JAZF1: variants seen among roughly 807,000 people sequenced by gnomAD.
The protein encoded by JAZF1 is juxtaposed with another zinc finger protein 1.
JAZF1 carries 8 observed loss-of-function variants against 26.4 expected under a neutral mutation model. That is an observed-to-expected ratio of 0.30 (90% CI 0.18 to 0.55). The LOEUF (loss-of-function observed/expected upper bound fraction) is 0.55, where lower values mean the gene tolerates loss of function less well. JAZF1 is among the 20% of genes least tolerant of loss of function. The probability of loss-of-function intolerance (pLI) is 0.94; values close to 1 mark genes in which losing one functional copy is unlikely to be tolerated. For missense variants in JAZF1, 199 were observed against 322.0 expected (o/e 0.62, Z 2.92); for synonymous variants, 126 against 122.3 (o/e 1.03, Z -0.20).
chr7:28,132,987 C>T (rs955517495), intron 1 of JAZF1, among the ~76,000 whole-genome samples: 1 of 152,074 alleles, frequency 6.6e-6, no homozygotes, highest in Non-Finnish European at 1.5e-5. Flanking sequence ...AGGAAGAAGC[C>T]GTAAAAGCAG....
chr7:28,176,980 T>C (rs192560523), intron 1 of JAZF1, among the ~76,000 whole-genome samples: 42 of 152,204 alleles, frequency 2.8e-4, no homozygotes, highest in African/African-American at 9.6e-4. Context: ...CTCAATTATC[T>C]ACTCAAAATA....
At chr7:27,984,753 C>T (rs1379274278) in intron 2 of JAZF1, among the ~76,000 whole-genome samples, 2 of 152,222 alleles carry the variant, frequency 1.3e-5, no homozygotes, top group Non-Finnish European at 2.9e-5. Context: ...AACAAACTGT[C>T]TCTCAGACCA....
chr7:28,159,893 C>A (rs1783254406), intron 1 of JAZF1, among the ~76,000 whole-genome samples: 1 of 152,116 alleles, frequency 6.6e-6, no homozygotes, highest in South Asian at 2.1e-4. Flanking sequence ...CCCTGATACC[C>A]CTTATAAGCG....
intron 1 of JAZF1, among the ~76,000 whole-genome samples, chr7:28,154,839 G>A (rs1236859986): frequency 6.6e-6 from 1 of 150,388 alleles, no homozygotes; most frequent in African/African-American, 2.5e-5. Context: ...GAAAAAAAAA[G>A]GGGGCTCTCA....
chr7:28,001,800 G>T (rs1419074403), intron 1 of JAZF1, among the ~76,000 whole-genome samples: 1 of 152,052 alleles, frequency 6.6e-6, no homozygotes, highest in Non-Finnish European at 1.5e-5. Flanking sequence ...AACCAGTGGT[G>T]GCAGGGAGGA....
At chr7:27,934,619 G>C (rs893864877) in intron 2 of JAZF1, among the ~76,000 whole-genome samples, 2 of 152,178 alleles carry the variant, frequency 1.3e-5, no homozygotes, top group African/African-American at 2.4e-5. Flanking sequence ...CCATCGGGTG[G>C]GGGGCGGAAA....
At chr7:28,015,188 T>A (rs1438709856) in intron 1 of JAZF1, among the ~76,000 whole-genome samples, 1 of 152,158 alleles carries the variant, frequency 6.6e-6, no homozygotes, top group Non-Finnish European at 1.5e-5. Flanking sequence ...GCATAGCTTT[T>A]CTTGGGCAAG....
intron 4 of JAZF1, among the ~76,000 whole-genome samples, chr7:27,834,629 G>C (rs896670431): frequency 6.6e-6 from 1 of 152,214 alleles, no homozygotes; most frequent in African/African-American, 2.4e-5. Context: ...GGTGGTGGTA[G>C]AATCAGACCC....
At chr7:27,977,804 G>C (rs571537687) in intron 2 of JAZF1, among the ~76,000 whole-genome samples, 1 of 152,182 alleles carries the variant, frequency 6.6e-6, no homozygotes, top group Non-Finnish European at 1.5e-5. Context: ...CGAAGCTGCT[G>C]TGTTCTGCCT....
intron 2 of JAZF1, among the ~76,000 whole-genome samples, chr7:27,977,658 T>C (rs982322219): frequency 1.3e-5 from 2 of 152,194 alleles, no homozygotes; most frequent in African/African-American, 4.8e-5. Context: ...TGGAGGATCC[T>C]GATATAGATT....
chr7:27,913,263 T>C (rs1208084649), intron 2 of JAZF1: 2 of 185,186 alleles, frequency 1.1e-5, no homozygotes, highest in Admixed American at 1.3e-4. Context: ...ACATATTATA[T>C]ATGTATTTAT....
At chr7:27,837,981 C>G (rs963821791) in intron 4 of JAZF1, among the ~76,000 whole-genome samples, 5 of 151,004 alleles carry the variant, frequency 3.3e-5, no homozygotes, top group African/African-American at 1.2e-4. Context: ...CATTAACAAG[C>G]TAATACACTA....
chr7:27,909,449 G>A (rs1303786812), intron 2 of JAZF1, among the ~76,000 whole-genome samples: 5 of 151,846 alleles, frequency 3.3e-5, no homozygotes, highest in Non-Finnish European at 5.9e-5. Flanking sequence ...GCTCATGCCT[G>A]TAATCCCAGC....
chr7:27,874,009 C>T (rs1401929465), intron 3 of JAZF1, among the ~76,000 whole-genome samples: 1 of 152,230 alleles, frequency 6.6e-6, no homozygotes, highest in Non-Finnish European at 1.5e-5. Flanking sequence ...CAATCATAAG[C>T]AGTCTTTCTC....
At chr7:28,143,851 T>C (rs1782990877) in intron 1 of JAZF1, among the ~76,000 whole-genome samples, 1 of 152,244 alleles carries the variant, frequency 6.6e-6, no homozygotes, top group Non-Finnish European at 1.5e-5. Context: ...CAGGTCATGT[T>C]TATTATTTTA....
chr7:27,975,902 T>C (rs1230737152), intron 2 of JAZF1, among the ~76,000 whole-genome samples: 2 of 152,294 alleles, frequency 1.3e-5, no homozygotes, highest in East Asian at 1.9e-4. Flanking sequence ...GCACAGTTCC[T>C]AACAAATGAA....
At chr7:27,976,344 CAAAAAAAAAAAAA>C (rs55992845) in intron 2 of JAZF1, among the ~76,000 whole-genome samples, 1 of 80,460 alleles carries the variant, frequency 1.2e-5, no homozygotes, top group African/African-American at 5.4e-5. Context: ...GACTCCGTCT[CAAAAAAAAAAAAA>C]AAAAAAAAAA....
At chr7:27,990,383 T>C (rs1785876168) in intron 2 of JAZF1, among the ~76,000 whole-genome samples, 1 of 151,514 alleles carries the variant, frequency 6.6e-6, no homozygotes, top group Admixed American at 6.6e-5. Context: ...TGTATACATA[T>C]GTAACAAACC....
rs181557402 is a variant in JAZF1, at chr7:27,987,873, A to T, written c.188+4036T>A. Reference sequence around the variant, plus strand: ...AATTCTTCTGCCTTGGGATGCTGTTAATCTATAACCTTACCCCCAACCCCA... The same window carrying T: ...AATTCTTCTGCCTTGGGATGCTGTTTATCTATAACCTTACCCCCAACCCCA... On this transcript the variant is annotated intron_variant, in intron 2 of 4. Transcript: ENST00000283928. Among the ~76,000 whole-genome samples, 179 of 152,330 alleles carry T rather than the reference A, an allele frequency of 1.2e-3. 3 individuals are homozygous for T. Among genetic ancestry groups the T allele is most frequent in the Admixed American group, 0.01 (158 of 15,290 alleles).
Sources: gnomAD v4.1 joint callset for allele counts (sites outside exome capture counted in the v4.1 genomes callset) on GRCh38, gnomAD v4.1.1 for gene constraint, MANE v1.5 for transcripts, NCBI Gene and HGNC (gene_info 2026-07-23, HGNC 2026-07-21) for gene names.